HFM1: variants seen among roughly 807,000 people sequenced by gnomAD.
HFM1 encodes the protein helicase for meiosis 1, also known as probable ATP-dependent DNA helicase HFM1.
In HFM1, 169 loss-of-function variants were observed where a neutral mutation model predicts 192.1. That is an observed-to-expected ratio of 0.88 (90% CI 0.78 to 1.00). HFM1 has a LOEUF of 1.00. Ranked by LOEUF, HFM1 falls within the 50% of genes least tolerant of loss-of-function variation. The probability of loss-of-function intolerance (pLI) is 0.00; values close to 1 mark genes in which losing one functional copy is unlikely to be tolerated. For synonymous variants in HFM1, 525 were observed against 537.8 expected, an observed-to-expected ratio of 0.98 and a Z score of 0.33; for missense variants, 1,661 against 1,668.0, an observed-to-expected ratio of 1.00 and a Z score of 0.07.
At chr1:91,375,780 T>G (rs746981921) in intron 11 of HFM1, 53 bp from the exon 12 acceptor site, 2 of 1,484,730 alleles carry the variant, frequency 1.3e-6, no homozygotes, top group Non-Finnish European at 1.9e-6. Flanking sequence ...AAAGTTTTAT[T>G]GCTAAAAACA....
rs1285588831 is a variant in HFM1, at chr1:91,262,312, T to TG, written c.4166dup (p.Asn1390LysfsTer6). On this transcript the variant is annotated frameshift_variant, in exon 38 of 39. Transcript: ENST00000370425. LOFTEE classifies it high-confidence loss of function. ...CCACTTTTTTATAATTTGAAGAATT[T>TG]GGGTTTTTTTCAGAGAAAGTAAAGC... 1.3e-6 allele frequency: 2 copies of TG among 1,520,288 alleles called. No homozygotes were observed. The highest frequency in any genetic ancestry group is 1.8e-6 in the Non-Finnish European group (2 of 1,117,288). The allele number at this position is 1,520,288 out of a possible 1,614,324, so 94.2% of individuals were successfully genotyped here.
Position 91,394,111 on chromosome 1 carries a change from G to A in HFM1, c.476C>T (p.Thr159Ile), listed in dbSNP as rs1663339954. 1 of 1,564,286 alleles carries A rather than the reference G, an allele frequency of 6.4e-7. No individual in the cohort carries two copies. The highest frequency in any genetic ancestry group is 8.7e-7 in the Non-Finnish European group (1 of 1,146,618). The change falls in exon 4 of 39, where the codon ACA becomes ATA. Residue 159 changes from threonine to isoleucine, a missense_variant. Physicochemically the swap from Thr to Ile is moderately conservative, Grantham distance 89. Transcript: ENST00000370425. ...TAATTACCTTTTCCGGAATACTGAT[G>A]TGCTCTCTCCTTTATCTTCTGCAAA... ...VNFAEDKGES[T>I]SVFRKRLFKI...
At chr1:91,290,544 C>T (rs2100923550) in intron 30 of HFM1, among the ~76,000 whole-genome samples, 1 of 152,296 alleles carries the variant, frequency 6.6e-6, no homozygotes, top group South Asian at 2.1e-4. Context: ...CACCCAGATT[C>T]ATAAAGCAAG....
intron 30 of HFM1, among the ~76,000 whole-genome samples, chr1:91,282,602 A>G (rs1160359205): frequency 6.6e-6 from 1 of 152,160 alleles, no homozygotes; most frequent in Non-Finnish European, 1.5e-5. Flanking sequence ...TAAGATGCTC[A>G]AGACTATGCT....
chr1:91,381,645 G>A (rs1433153971), intron 6 of HFM1, among the ~76,000 whole-genome samples: 1 of 152,000 alleles, frequency 6.6e-6, no homozygotes, highest in African/African-American at 2.4e-5. Flanking sequence ...TATTTACATG[G>A]TATTCTTCTT....
chr1:91,277,511 G>A (rs1358992153), intron 30 of HFM1, among the ~76,000 whole-genome samples: 2 of 141,270 alleles, frequency 1.4e-5, no homozygotes, highest in African/African-American at 5.2e-5. Flanking sequence ...TGGTGGGTGT[G>A]TGTGTGTGTG....
intron 19 of HFM1, among the ~76,000 whole-genome samples, chr1:91,344,874 G>A (rs1177113778): frequency 6.6e-6 from 1 of 151,280 alleles, no homozygotes; most frequent in Non-Finnish European, 1.5e-5. Context: ...AGTCTCCCGA[G>A]TAGCTGGAAC....
intron 2 of HFM1, among the ~76,000 whole-genome samples, chr1:91,400,194 T>A (rs1239592600): frequency 1.3e-5 from 2 of 152,198 alleles, no homozygotes; most frequent in East Asian, 3.9e-4. Context: ...AATTCAAAAT[T>A]GAACAATGCA....
chr1:91,378,943 G>C (rs1557491870), intron 9 of HFM1, 120 bp downstream of exon 9: 2 of 573,300 alleles, frequency 3.5e-6, no homozygotes, highest in Non-Finnish European at 5.8e-6. Flanking sequence ...TTTAATGTTT[G>C]TTTGTTTGCA....
At position 91,380,168 on chromosome 1, in the gene HFM1, T is replaced by C; in HGVS notation, c.942A>G (p.Glu314=). The change falls in exon 8 of 39, where the codon GAA becomes GAG. Residue 314 remains glutamate (E), a synonymous_variant. Transcript: ENST00000370425. ...CCATTAACAATCTTGTTATAGCTAGTTCAAACACTACAGTTTTTCCAGAAC... is the reference window on the plus strand; with the variant it reads ...CCATTAACAATCTTGTTATAGCTAGCTCAAACACTACAGTTTTTCCAGAAC... ...PTGSGKTVVF[E]LAITRLLMEV... is the part of the protein sequence containing the mutation. 1.3e-6 allele frequency: 2 copies of C among 1,546,522 alleles called. No homozygotes were observed. The highest frequency in any genetic ancestry group is 1.4e-5 in the African/African-American group (1 of 72,718).
At chr1:91,314,401 A>G (rs1035923828) in intron 28 of HFM1, among the ~76,000 whole-genome samples, 4 of 152,110 alleles carry the variant, frequency 2.6e-5, no homozygotes, top group African/African-American at 9.7e-5. Context: ...CCACAGGCAC[A>G]TTGGCACTAT....
intron 13 of HFM1, among the ~76,000 whole-genome samples, chr1:91,372,558 A>T (rs1257663254): frequency 6.6e-6 from 1 of 152,140 alleles, no homozygotes; most frequent in East Asian, 1.9e-4. Flanking sequence ...GGACACAGGA[A>T]GGGGAACATC....
intron 19 of HFM1, among the ~76,000 whole-genome samples, chr1:91,344,639 G>C (rs553786827): frequency 1.4e-4 from 19 of 140,492 alleles, no homozygotes; most frequent in Admixed American, 6.8e-4. Context: ...AGAAACATAA[G>C]GCTAAGAACC....
intron 13 of HFM1, among the ~76,000 whole-genome samples, chr1:91,362,243 A>T: frequency 6.6e-6 from 1 of 152,184 alleles, no homozygotes; most frequent in Non-Finnish European, 1.5e-5. Flanking sequence ...GGAAGAGAGG[A>T]AGTCAAATTA....
chr1:91,397,255 C>T (rs1203905161), intron 2 of HFM1, among the ~76,000 whole-genome samples: 2 of 152,152 alleles, frequency 1.3e-5, no homozygotes, highest in African/African-American at 4.8e-5. Context: ...AACTGATGAC[C>T]TCTTTATAAC....
At chr1:91,407,711 T>C (rs1664855773), upstream of HFM1, among the ~76,000 whole-genome samples, 1 of 152,246 alleles carries the variant, frequency 6.6e-6, no homozygotes, top group Non-Finnish European at 1.5e-5. Context: ...ATAATGCTTC[T>C]ATGAACATTC....
At chr1:91,384,605 T>C (rs1661947894) in intron 6 of HFM1, among the ~76,000 whole-genome samples, 1 of 152,200 alleles carries the variant, frequency 6.6e-6, no homozygotes, top group Non-Finnish European at 1.5e-5. Flanking sequence ...CTGTACCTAT[T>C]TGTAAGTAAA....
At chr1:91,392,816 A>G (rs282010) in intron 4 of HFM1, among the ~76,000 whole-genome samples, 152,094 of 152,274 alleles carry the variant, frequency 1, 75,957 homozygotes, top group Non-Finnish European at 1. Flanking sequence ...AGGCACAAAT[A>G]GCCATATTTT....
intron 20 of HFM1, among the ~76,000 whole-genome samples, chr1:91,333,790 G>T (rs1260446402): frequency 6.6e-6 from 1 of 152,078 alleles, no homozygotes; most frequent in South Asian, 2.1e-4. Context: ...TTCTTAACAT[G>T]TACTTTGTGC....
Sources: gnomAD v4.1 joint callset for allele counts (sites outside exome capture counted in the v4.1 genomes callset) on GRCh38, gnomAD v4.1.1 for gene constraint, MANE v1.5 for transcripts, NCBI Gene and HGNC (gene_info 2026-07-23, HGNC 2026-07-21) for gene names.